FGF13: variants seen among roughly 807,000 people sequenced by gnomAD.
FGF13 encodes fibroblast growth factor 13, also known as fibroblast growth factor homologous factor 2.
In FGF13, 2 loss-of-function variants were observed where a neutral mutation model predicts 19.5. That is an observed-to-expected ratio of 0.10 (90% confidence interval 0.04 to 0.32). The LOEUF is 0.32. Ranked by LOEUF, FGF13 falls within the 10% of genes least tolerant of loss-of-function variation. The pLI is 1.00. For missense variants in FGF13, 113 were observed against 192.7 expected (o/e 0.59, Z 2.45); for synonymous variants, 72 against 76.9 (o/e 0.94, Z 0.33).
intron 1 of FGF13, among the ~76,000 whole-genome samples, chrX:139,041,166 A>G (rs1449566354): frequency 9.1e-6 from 1 of 110,060 alleles, no homozygotes; most frequent in Non-Finnish European, 1.9e-5. Context: ...ACATTGATCT[A>G]TGTAATAAAC....
At chrX:138,747,520 G>A (rs1292077998) in intron 3 of FGF13, among the ~76,000 whole-genome samples, 1 of 111,800 alleles carries the variant, frequency 8.9e-6, no homozygotes, top group East Asian at 2.8e-4. Flanking sequence ...TATTTTATGT[G>A]AGAAACTCCG....
chrX:139,023,966 C>A (rs1448488394), intron 1 of FGF13, among the ~76,000 whole-genome samples: 1 of 111,118 alleles, frequency 9.0e-6, no homozygotes, highest in African/African-American at 3.3e-5. Flanking sequence ...AAAATTTCAA[C>A]TTCTACCTGC....
At chrX:138,891,854 C>T (rs1178685401) in intron 1 of FGF13, among the ~76,000 whole-genome samples, 2 of 110,588 alleles carry the variant, frequency 1.8e-5, no homozygotes, top group Non-Finnish European at 3.8e-5. Context: ...GCTTCCTGCC[C>T]CCAAACATCT....
chrX:138,775,272 T>C (rs1274799607), intron 3 of FGF13, among the ~76,000 whole-genome samples: 3 of 112,466 alleles, frequency 2.7e-5, no homozygotes, highest in East Asian at 5.6e-4. Flanking sequence ...TCGTGTTCTT[T>C]GAATGATTTA....
chrX:138,851,699 T>C (rs998787607), intron 3 of FGF13, among the ~76,000 whole-genome samples: 3 of 111,699 alleles, frequency 2.7e-5, no homozygotes, highest in Non-Finnish European at 5.6e-5. Flanking sequence ...TTCAACACAG[T>C]ATTGGAAGTT....
rs1458042745 is a variant in FGF13, at chrX:138,822,998, G to A, written c.217+34514C>T. On this transcript the variant is annotated intron_variant, in intron 3 of 6. Transcript: ENST00000436198. The stretch of plus-strand genomic sequence containing the variant: ...ACAGAGTAGTGTGGAGATGAGGAAA[G>A]TGTCACATATCAGAGAACATCATTC... Among the ~76,000 whole-genome samples, 4 of 111,688 alleles carry A rather than the reference G, an allele frequency of 3.6e-5. No individual in the cohort carries two copies. The Admixed American group carries it at 3.8e-4, about 11-fold the overall frequency.
In FGF13 at chrX:139,031,552, C is replaced by T. The variant is rs185475603; in HGVS notation, c.-112-166902G>A. On this transcript the variant is annotated intron_variant, in intron 1 of 2. Coordinates refer to the FGF13 transcript ENST00000421460. The stretch of plus-strand genomic sequence containing the variant: ...CATTTTACAGATAAGAAAACTGAGA[C>T]TCTGATAAATTAAGTGATTTGCCCA... Among the ~76,000 whole-genome samples, 15 of 110,667 alleles carry T rather than the reference C, an allele frequency of 1.4e-4. No homozygotes were observed. In the East Asian group the frequency reaches 3.7e-3, roughly 28 times the overall value.
chrX:138,771,665 G>A (rs182097018), intron 3 of FGF13, among the ~76,000 whole-genome samples: 3 of 110,037 alleles, frequency 2.7e-5, no homozygotes, highest in South Asian at 3.9e-4. Context: ...AACGCTCTCC[G>A]GTCATTCCCT....
chrX:138,964,542 C>A (rs2091887412), intron 1 of FGF13, among the ~76,000 whole-genome samples: 1 of 111,910 alleles, frequency 8.9e-6, no homozygotes, highest in Admixed American at 9.5e-5. Flanking sequence ...GTAATTCCAG[C>A]TGTCTTAGTC....
At chrX:138,818,868 T>C (rs1323594829) in intron 3 of FGF13, among the ~76,000 whole-genome samples, 1 of 111,386 alleles carries the variant, frequency 9.0e-6, no homozygotes, top group Non-Finnish European at 1.9e-5. Flanking sequence ...TATCCAGAAA[T>C]GTGGATTGAA....
rs767214949 is a variant in FGF13, at chrX:138,687,481, T to C, written c.402+15503A>G. On this transcript the variant is annotated intron_variant, in intron 3 of 4. Transcript: ENST00000315930. ...ATCTCAACTCTGTTAAAATGGCTAATATAAAACAAACAAAAAATAACAGTT... is the reference window on the plus strand; with the variant it reads ...ATCTCAACTCTGTTAAAATGGCTAACATAAAACAAACAAAAAATAACAGTT... 4.5e-5 allele frequency among the ~76,000 whole-genome samples: 5 copies of C among 111,870 alleles called. No individual in the cohort carries two copies. The East Asian group carries it at 1.4e-3, about 32-fold the overall frequency.
At chrX:139,145,223 C>T (rs1372307183) in intron 1 of FGF13, among the ~76,000 whole-genome samples, 1 of 111,005 alleles carries the variant, frequency 9.0e-6, no homozygotes, top group South Asian at 3.9e-4. Flanking sequence ...ATTTTGCAGA[C>T]CCCCTCAAAG....
intron 2 of FGF13, among the ~76,000 whole-genome samples, chrX:138,706,242 A>G (rs1363368130): frequency 1.8e-5 from 2 of 112,745 alleles, no homozygotes; most frequent in Non-Finnish European, 3.7e-5. Context: ...CCTTGCACCC[A>G]GGGCAGACAT....
chrX:139,011,251 T>C (rs1030778307), intron 1 of FGF13, among the ~76,000 whole-genome samples: 2 of 109,794 alleles, frequency 1.8e-5, no homozygotes, highest in Non-Finnish European at 3.8e-5. Context: ...ACCAATCCTA[T>C]TGACACTATT....
intron 1 of FGF13, among the ~76,000 whole-genome samples, chrX:138,886,142 T>C (rs917931462): frequency 1.8e-5 from 2 of 111,867 alleles, no homozygotes; most frequent in Admixed American, 9.5e-5. Flanking sequence ...CAAGGCACTA[T>C]AAGAAAGAAT....
chrX:138,878,410 T>C (rs1163043327), intron 1 of FGF13, among the ~76,000 whole-genome samples: 1 of 105,156 alleles, frequency 9.5e-6, no homozygotes, highest in Non-Finnish European at 1.9e-5. Context: ...TGTTTGGTTT[T>C]TTGTCCTTGC....
At chrX:138,833,704 A>G (rs1250719743) in intron 3 of FGF13, among the ~76,000 whole-genome samples, 4 of 111,613 alleles carry the variant, frequency 3.6e-5, no homozygotes, top group Non-Finnish European at 7.5e-5. Flanking sequence ...GTTGAATAAG[A>G]GTTGTGACAG....
At chrX:139,058,068 G>C (rs905476446) in intron 1 of FGF13, among the ~76,000 whole-genome samples, 1 of 111,657 alleles carries the variant, frequency 9.0e-6, no homozygotes, top group African/African-American at 3.2e-5. Flanking sequence ...AAAATCTAAA[G>C]AGGCTATTTA....
intron 3 of FGF13, among the ~76,000 whole-genome samples, chrX:138,699,116 T>G (rs927355853): frequency 9.0e-6 from 1 of 111,460 alleles, no homozygotes; most frequent in African/African-American, 3.3e-5. Flanking sequence ...TCTACTTTAA[T>G]GGAAAAATGC....
Sources: allele counts gnomAD v4.1 joint callset (sites outside exome capture counted in the v4.1 genomes callset), GRCh38; gene constraint gnomAD v4.1.1; transcripts MANE v1.5; gene names NCBI Gene and HGNC (gene_info 2026-07-23, HGNC 2026-07-21).